MPPE1: variants seen among roughly 807,000 people sequenced by gnomAD.
MPPE1 encodes metallophosphoesterase 1.
A neutral mutation model predicts 43.8 loss-of-function variants in MPPE1; 28 were observed. The ratio of observed to expected loss-of-function variants is 0.64; its 90% CI spans 0.47 to 0.88. The LOEUF is 0.88. MPPE1 is among the 40% of genes least tolerant of loss of function. The pLI is 0.00. For missense variants in MPPE1, 428 were observed against 492.2 expected (o/e 0.87, Z 1.23); for synonymous variants, 159 against 188.5 (o/e 0.84, Z 1.28).
intron 10 of MPPE1, chr18:11,884,840 C>T (rs2036945841): frequency 2.2e-6 from 3 of 1,385,798 alleles, no homozygotes; most frequent in Admixed American, 3.0e-5. Context: ...ACAAGTAAGG[C>T]CCAAGTGTGC....
chr18:11,889,357 C>G (rs1316823435), intron 5 of MPPE1, 30 bp downstream of exon 5: 1 of 1,369,874 alleles, frequency 7.3e-7, no homozygotes, highest in African/African-American at 1.4e-5. Flanking sequence ...CAAGAGCTCT[C>G]AGGGTGCAGG....
rs2036779348 is a variant in MPPE1, at chr18:11,883,599, G to C, written c.*846C>G. 6.5e-6 allele frequency: 1 copy of C among 153,328 alleles called. No homozygotes were observed. Among genetic ancestry groups the C allele is most frequent in the South Asian group, 2.1e-4 (1 of 4,832 alleles). 9.5% of individuals were successfully genotyped at this position (153,328 alleles called of 1,614,324 possible). On this transcript the variant is annotated 3_prime_UTR_variant, in exon 11 of 11. Transcript: ENST00000588072. ...ATGTAGCAACGTGGTCTCCTATAGA[G>C]AAAATTACACTTATCTAAAAATCTG...
chr18:11,891,844 C>T (rs879120010), intron 4 of MPPE1, among the ~76,000 whole-genome samples: 13 of 151,986 alleles, frequency 8.6e-5, no homozygotes, highest in African/African-American at 3.1e-4. Flanking sequence ...TTTGAGACAG[C>T]GTCTCACTCT....
chr18:11,897,244 C>T lies in MPPE1; in HGVS notation c.21G>A (p.Gly7=). Reference sequence around the variant, plus strand: ...ATGGATGAAAATTCTGTCTTCCAAACCCCAATTCGATCATCGCCATTTCTC... The same window carrying T: ...ATGGATGAAAATTCTGTCTTCCAAATCCCAATTCGATCATCGCCATTTCTC... MAMIEL[G]FGRQNFHPLK... Residue 7 remains glycine (G), a synonymous_variant, in exon 3 of 11, where the codon GGG becomes GGA. Transcript: ENST00000588072. 1.7e-6 allele frequency: 2 copies of T among 1,205,912 alleles called. No homozygotes were observed. The allele number at this position is 1,205,912 out of a possible 1,614,324, so 74.7% of individuals were successfully genotyped here.
At chr18:11,894,457 A>G (rs1054178151) in intron 3 of MPPE1, among the ~76,000 whole-genome samples, 1 of 143,542 alleles carries the variant, frequency 7.0e-6, no homozygotes, top group Non-Finnish European at 1.5e-5. Flanking sequence ...AAAAAAAAAC[A>G]GCCTGGGATC....
At chr18:11,907,646 T>C (rs957713398) in intron 1 of MPPE1, among the ~76,000 whole-genome samples, 3 of 141,040 alleles carry the variant, frequency 2.1e-5, no homozygotes, top group Non-Finnish European at 3.0e-5. Context: ...TGCGTGCCAC[T>C]ACACCTGGCT....
intron 4 of MPPE1, among the ~76,000 whole-genome samples, chr18:11,892,378 GAAAA>G (rs2038097728): frequency 1.4e-5 from 2 of 146,030 alleles, no homozygotes; most frequent in Non-Finnish European, 3.0e-5. Context: ...AAAAGAAAAA[GAAAA>G]AGAAAGGGCA....
At position 11,886,698 on chromosome 18, in the gene MPPE1, C is replaced by G. The variant is rs929937824; in HGVS notation, c.744+15G>C. On this transcript the variant is annotated intron_variant, in intron 8 of 10. Coordinates refer to ENST00000588072, the MANE Select transcript of MPPE1 (RefSeq NM_023075.6). This position sits in a 1 kb window ranked among gnomAD's most constrained non-coding sequence, Gnocchi z 4.1. ...GCCTGCTGTCTGCCATGAGCCCTTT[C>G]CTCCCCCAGCTCACCTGCAGGAGGA... 50 of 1,613,744 alleles carry G rather than the reference C, an allele frequency of 3.1e-5. No homozygotes were observed. Among genetic ancestry groups the G allele is most frequent in the Non-Finnish European group, 4.2e-5 (50 of 1,180,042 alleles).
rs1176653405 is a variant in MPPE1 at position 11,888,655 on chromosome 18, C to T, written c.569+14G>A. On this transcript the variant is annotated intron_variant, in intron 6 of 10. Transcript: ENST00000588072. ...GGACTAAAGGTCTTGGAAGAATTTA[C>T]AAATAATACTCACTTAATGCCTTTC... 4 of 1,549,380 alleles carry T rather than the reference C, an allele frequency of 2.6e-6. No homozygotes were observed. The highest frequency in any genetic ancestry group is 3.5e-6 in the Non-Finnish European group (4 of 1,134,504).
At chr18:11,900,304 G>C (rs1229397923) in intron 2 of MPPE1, among the ~76,000 whole-genome samples, 1 of 152,088 alleles carries the variant, frequency 6.6e-6, no homozygotes, top group African/African-American at 2.4e-5. Context: ...CCAAGATCAC[G>C]CCATTGCACT....
Position 11,882,704 on chromosome 18 carries a change from A to AC in MPPE1, c.*1740dup, listed in dbSNP as rs2036733171. 4.6e-5 allele frequency: 7 copies of AC among 151,188 alleles called. No individual in the cohort carries two copies. The South Asian group carries it at 1.5e-3, about 32-fold the overall frequency. 9.4% of individuals were successfully genotyped at this position (151,188 alleles called of 1,614,324 possible). Reference sequence around the variant, plus strand: ...CAGGCCAAAAAAAAAAAAAAAAAAAACCTTGACGTGTCAATGTTTGTGTCT... The same window carrying AC: ...CAGGCCAAAAAAAAAAAAAAAAAAAACCCTTGACGTGTCAATGTTTGTGTCT... On this transcript the variant is annotated 3_prime_UTR_variant, in exon 11 of 11. Coordinates refer to ENST00000588072, the MANE Select transcript of MPPE1 (RefSeq NM_023075.6).
intron 4 of MPPE1, chr18:11,891,211 C>T (rs751662479): frequency 6.6e-6 from 1 of 152,200 alleles, no homozygotes; most frequent in Non-Finnish European, 1.5e-5. Flanking sequence ...CGGTGCCTCA[C>T]GCCTATAATC....
Position 11,888,731 on chromosome 18 carries a change from G to T in MPPE1, c.507C>A (p.Tyr169Ter). The change falls in exon 6 of 11, where the codon TAC (tyrosine) becomes TAA (stop). Residue 169 changes from tyrosine (Y) to a stop codon, truncating the protein, a stop_gained. Coordinates refer to ENST00000588072, the MANE Select transcript of MPPE1 (RefSeq NM_023075.6). LOFTEE classifies it high-confidence loss of function. ...DIGFHYEMNT[Y>*]KVERFEKVFS... is the part of the protein sequence containing the mutation. Reference sequence around the variant, plus strand: ...ACACTTTCTCAAAGCGTTCTACTTTGTATGTGTTCATCCTATATTCAATTG... The same window carrying T: ...ACACTTTCTCAAAGCGTTCTACTTTTTATGTGTTCATCCTATATTCAATTG... The T allele has an allele frequency of 1.3e-6, 2 of 1,595,486 alleles. No homozygotes were observed. Among genetic ancestry groups the T allele is most frequent in the Non-Finnish European group, 1.7e-6 (2 of 1,172,492 alleles).
chr18:11,900,767 C>T (rs937208572), intron 2 of MPPE1, among the ~76,000 whole-genome samples: 17 of 151,722 alleles, frequency 1.1e-4, no homozygotes, highest in East Asian at 1.9e-4. Flanking sequence ...ATTAGCCAGG[C>T]GTGGTGGCAG....
At chr18:11,894,790 A>G (rs531465686) in intron 3 of MPPE1, among the ~76,000 whole-genome samples, 1 of 152,076 alleles carries the variant, frequency 6.6e-6, no homozygotes, top group East Asian at 1.9e-4. Context: ...GGGTTTCTCC[A>G]TGTTGGTCAG....
rs763966970 is a variant in MPPE1, at chr18:11,886,487, A to C, written c.867+12T>G. 6 of 1,614,116 alleles carry C rather than the reference A, an allele frequency of 3.7e-6. No homozygotes were observed. The Admixed American group carries it at 1.0e-4, about 27-fold the overall frequency. On this transcript the variant is annotated intron_variant, in intron 9 of 10. Coordinates refer to ENST00000588072, the MANE Select transcript of MPPE1 (RefSeq NM_023075.6). This position sits in a 1 kb window ranked among gnomAD's most constrained non-coding sequence, Gnocchi z 4.1. ...CTGTGACATGAATTAGCATCACGAC[A>C]CCCTGGCAAACCTTTTGTGATGCCT...
Position 11,884,604 on chromosome 18 carries a change from G to GCC in MPPE1, c.1031_1032insGG (p.Tyr344Ter). The GCC allele has an allele frequency of 1.9e-6, 3 of 1,613,782 alleles. No individual in the cohort carries two copies. The highest frequency in any genetic ancestry group is 2.5e-6 in the Non-Finnish European group (3 of 1,179,984). The change falls in exon 11 of 11, where the codon TAC (tyrosine) becomes TAGGC (stop). Residue 344 changes from tyrosine to a stop codon, truncating the protein, a stop_gained and frameshift_variant. Coordinates refer to ENST00000588072, the MANE Select transcript of MPPE1 (RefSeq NM_023075.6). LOFTEE classifies it low-confidence loss of function (END_TRUNC). ...GTGGGAGGTAGCACTTGGAGAGGGT[G>GCC]TAGTCTGTGGGCGTGATGCTACCCT... The part of the protein sequence containing the change: ...FIMGSITPTD[Y>*]TLSKCYLPRE...
chr18:11,903,357 G>A (rs889016929), intron 2 of MPPE1, among the ~76,000 whole-genome samples: 4 of 152,102 alleles, frequency 2.6e-5, no homozygotes, highest in East Asian at 1.9e-4. Context: ...ATGGGCATGC[G>A]TACAACTTCC....
chr18:11,887,364 A>C (rs995707698), intron 6 of MPPE1, among the ~76,000 whole-genome samples: 6 of 151,998 alleles, frequency 3.9e-5, no homozygotes, highest in Non-Finnish European at 4.4e-5. Flanking sequence ...AGGGCTAAGA[A>C]CCCTATGCCC....
Sources: gnomAD v4.1 joint callset for allele counts (sites outside exome capture counted in the v4.1 genomes callset) on GRCh38, gnomAD v4.1.1 for gene constraint, Gnocchi (gnomAD v3.1) non-coding constraint, MANE v1.5 for transcripts, NCBI Gene and HGNC (gene_info 2026-07-23, HGNC 2026-07-21) for gene names.